KALRN: variants seen among roughly 807,000 people sequenced by gnomAD.
KALRN encodes kalirin.
In KALRN, 70 loss-of-function variants were observed where a neutral mutation model predicts 353.7. The observed-to-expected ratio is 0.20, with a 90% CI of 0.16 to 0.24. The LOEUF (loss-of-function observed/expected upper bound fraction) is 0.24. KALRN is among the 10% of genes least tolerant of loss of function. The pLI is 1.00. For synonymous variants in KALRN, 1,391 were observed against 1,434.8 expected (o/e 0.97, Z 0.69); for missense variants, 2,791 against 3,756.7 (o/e 0.74, Z 6.72).
intron 33 of KALRN, among the ~76,000 whole-genome samples, chr3:124,532,242 C>T (rs529717947): frequency 4.6e-5 from 7 of 152,306 alleles, no homozygotes; most frequent in African/African-American, 1.7e-4. Context: ...TGTCATGTCA[C>T]CTCTTATAAG....
intron 6 of KALRN, among the ~76,000 whole-genome samples, chr3:124,318,277 C>T (rs768053833): frequency 6.6e-6 from 1 of 152,152 alleles, no homozygotes; most frequent in East Asian, 1.9e-4. Flanking sequence ...TTTGGCCAGA[C>T]CTGATCAGAT....
intron 5 of KALRN, among the ~76,000 whole-genome samples, chr3:124,289,362 G>C (rs554945705): frequency 6.6e-6 from 1 of 152,268 alleles, no homozygotes; most frequent in Non-Finnish European, 1.5e-5. Flanking sequence ...CTGTATTGGG[G>C]AGACCATTTA....
In KALRN at chr3:124,434,442, C is replaced by T. The variant is rs760601629; in HGVS notation, c.2965C>T (p.His989Tyr). Reference protein sequence around the residue: ...IRECAEKVALHWQQLMLKMED... With the variant: ...IRECAEKVALYWQQLMLKMED... ...GGAATGTGCTGAGAAGGTGGCCCTC[C>T]ACTGGCAGCAGCTCATGCTGAAGAT... Residue 989 changes from histidine to tyrosine, a missense_variant, in exon 17 of 60, where the codon CAC becomes TAC. Physicochemically the swap from His to Tyr is moderately conservative, Grantham distance 83 (BLOSUM62 2). Transcript: ENST00000682506. 6.2e-7 allele frequency: 1 copy of T among 1,614,222 alleles called. No homozygotes were observed. The highest frequency in any genetic ancestry group is 1.7e-5 in the Admixed American group (1 of 60,026).
chr3:124,142,380 C>T (rs570680384), intron 1 of KALRN, among the ~76,000 whole-genome samples: 2 of 152,330 alleles, frequency 1.3e-5, no homozygotes, highest in East Asian at 1.9e-4. Flanking sequence ...TCTATCCCCA[C>T]AGCATCCTGC....
chr3:124,391,065 G>A (rs760118417), intron 11 of KALRN, among the ~76,000 whole-genome samples: 14 of 152,156 alleles, frequency 9.2e-5, no homozygotes, highest in Non-Finnish European at 1.9e-4. Context: ...TTTGGATGTA[G>A]ATATTTTTGG....
chr3:124,293,055 G>A (rs536244804), intron 5 of KALRN, among the ~76,000 whole-genome samples: 243 of 152,272 alleles, frequency 1.6e-3, no homozygotes, highest in African/African-American at 5.5e-3. Context: ...TTGACTGGGC[G>A]GCTAGTTTCC....
chr3:124,380,218 C>T (rs987794845), intron 10 of KALRN, among the ~76,000 whole-genome samples: 26 of 152,210 alleles, frequency 1.7e-4, no homozygotes, highest in African/African-American at 4.3e-4. Flanking sequence ...CCTGCTTCTC[C>T]GCCTCAGCCC....
At chr3:124,583,340 AGACACCCTGTGAGTAAT>A (rs1373872502) in intron 34 of KALRN, among the ~76,000 whole-genome samples, 1 of 140,114 alleles carries the variant, frequency 7.1e-6, no homozygotes, top group African/African-American at 2.6e-5. Context: ...GGAATGGGAG[AGACACCCTGTGAGTAAT>A]ACAGTGGTTC....
In KALRN at chr3:124,262,812, G is replaced by A. The variant is rs565527990; in HGVS notation, c.264-1686G>A. 2.6e-5 allele frequency among the ~76,000 whole-genome samples: 4 copies of A among 152,304 alleles called. No homozygotes were observed. In the South Asian group the frequency reaches 8.3e-4, roughly 32 times the overall value. ...TTCTGTGGCCTTACTGCCAGCAGCT[G>A]TAAGCAACTGATATGTGGTAGGCAC... On this transcript the variant is annotated intron_variant, in intron 3 of 59. Coordinates refer to ENST00000682506, the MANE Select transcript of KALRN (RefSeq NM_001388419.1).
In KALRN at chr3:124,719,230, G is replaced by A; in HGVS notation, c.8721G>A (p.Val2907=). ...FSFPHEYFCG[V]SNAARDFINV... ...TCCCCCATGAATACTTCTGTGGTGT[G>A]AGCAATGCTGCCAGAGATTTCATCA... Residue 2907 remains valine (V), a synonymous_variant, in exon 60 of 60, where the codon GTG becomes GTA. Transcript: ENST00000682506. The surrounding 1 kb of genome is among the most constrained non-coding windows in gnomAD (Gnocchi z 5.3). 6.2e-7 allele frequency: 1 copy of A among 1,614,228 alleles called. No individual in the cohort carries two copies. Among genetic ancestry groups the A allele is most frequent in the Non-Finnish European group, 8.5e-7 (1 of 1,180,040 alleles).
rs193020445 is a variant in KALRN, at chr3:124,366,782, C to T, written c.1771-18063C>T. On this transcript the variant is annotated intron_variant, in intron 10 of 59. Coordinates refer to ENST00000682506, the MANE Select transcript of KALRN (RefSeq NM_001388419.1). The stretch of plus-strand genomic sequence containing the variant: ...CTCTTCACTTCCCAGTAAGGGCCGC[C>T]GGGCAGAGGCGCCCCTCACCTCCCG... Among the ~76,000 whole-genome samples, 652 of 149,978 alleles carry T rather than the reference C, an allele frequency of 4.3e-3. 6 individuals are homozygous for T. Among genetic ancestry groups the T allele is most frequent in the Middle Eastern group, 0.035 (10 of 286 alleles).
chr3:124,473,170 C>T (rs1482398819), intron 25 of KALRN, among the ~76,000 whole-genome samples: 9 of 152,198 alleles, frequency 5.9e-5, no homozygotes, highest in African/African-American at 2.2e-4. Context: ...GGAACACATA[C>T]AACACATATG....
At chr3:124,688,273 A>G (rs1360974334) in intron 51 of KALRN, among the ~76,000 whole-genome samples, 4 of 148,540 alleles carry the variant, frequency 2.7e-5, no homozygotes, top group Non-Finnish European at 4.4e-5. Context: ...TGATCATGCC[A>G]CTGCACTCCA....
At chr3:124,207,569 G>T (rs1482318133) in intron 1 of KALRN, among the ~76,000 whole-genome samples, 1 of 152,188 alleles carries the variant, frequency 6.6e-6, no homozygotes, top group African/African-American at 2.4e-5. Context: ...AGATGAGACA[G>T]ATCTATATGT....
chr3:124,637,469 T>C (rs2081486575), intron 37 of KALRN, among the ~76,000 whole-genome samples, 166 bp downstream of exon 37: 1 of 152,224 alleles, frequency 6.6e-6, no homozygotes, highest in African/African-American at 2.4e-5. Flanking sequence ...TTTTTGACTT[T>C]GTTTGGGAAT....
intron 47 of KALRN, among the ~76,000 whole-genome samples, chr3:124,670,989 A>T (rs1349942364): frequency 6.6e-6 from 1 of 152,102 alleles, no homozygotes; most frequent in East Asian, 1.9e-4. Flanking sequence ...CATCCATTCC[A>T]CATCCCACTG....
At chr3:124,643,828 A>G (rs674145) in intron 37 of KALRN, among the ~76,000 whole-genome samples, 52,843 of 152,026 alleles carry the variant, frequency 0.35, 9,392 homozygotes, top group East Asian at 0.47. Context: ...TGATGTTATG[A>G]GATACCCATA....
At position 124,164,670 on chromosome 3, in the gene KALRN, A is replaced by G. The variant is rs1203857467; in HGVS notation, c.74-63320A>G. 17 of 151,190 alleles carry G rather than the reference A, an allele frequency of 1.1e-4. No individual in the cohort carries two copies. The East Asian group carries it at 3.3e-3, about 29-fold the overall frequency. The allele number at this position is 151,190 out of a possible 1,614,324, so 9.4% of individuals were successfully genotyped here. On this transcript the variant is annotated intron_variant, in intron 1 of 59. Transcript: ENST00000682506. ...GGGATAACCTGAAAAATAAAGTTAT[A>G]TTTGCTAAAAACTGTATTTGATTAG...
chr3:124,610,056 G>A (rs1363552661), intron 34 of KALRN, among the ~76,000 whole-genome samples: 1 of 152,084 alleles, frequency 6.6e-6, no homozygotes, highest in East Asian at 1.9e-4. Context: ...AATGTTTATT[G>A]AGTGCTTTAG....
Sources: gnomAD v4.1 joint callset for allele counts (sites outside exome capture counted in the v4.1 genomes callset) on GRCh38, gnomAD v4.1.1 for gene constraint, Gnocchi (gnomAD v3.1) non-coding constraint, MANE v1.5 for transcripts, NCBI Gene and HGNC (gene_info 2026-07-23, HGNC 2026-07-21) for gene names.